Variants in ZNRF1 observed in about 807,000 individuals in gnomAD.
ZNRF1 encodes zinc and ring finger 1.
Under a neutral mutation model 18.4 loss-of-function variants are expected in ZNRF1, and 3 were observed. That is an observed-to-expected ratio of 0.16 (90% confidence interval 0.07 to 0.42). The LOEUF is 0.42. ZNRF1 is among the 10% of genes least tolerant of loss of function. The pLI is 0.99. For synonymous variants in ZNRF1, 157 were observed against 144.2 expected (o/e 1.09, Z -0.64); for missense variants, 310 against 329.8 (o/e 0.94, Z 0.47).
intron 4 of ZNRF1, 118 bp from the exon 5 acceptor site, chr16:75,107,615 T>C (rs761217184): frequency 7.0e-6 from 3 of 430,084 alleles, no homozygotes; most frequent in Non-Finnish European, 1.4e-5. Flanking sequence ...CTGTTTGGCT[T>C]CTGGGGTCCT....
chr16:75,041,414 C>T (rs1470277592), intron 1 of ZNRF1, among the ~76,000 whole-genome samples: 1 of 152,154 alleles, frequency 6.6e-6, no homozygotes, highest in African/African-American at 2.4e-5. Context: ...ACTGCAGCCT[C>T]TGCCTCCTGG....
rs976570062 is a variant in ZNRF1 at position 74,999,064 on chromosome 16, C to G, written c.-608C>G. ...GCGAGGAGCGCCGGCGAGCGCAGCC[C>G]GGGACCGAGCGGGGCGGCGCGGCTG... On this transcript the variant is annotated 5_prime_UTR_variant, in exon 1 of 5. Transcript: ENST00000335325. 4 of 149,900 alleles carry G rather than the reference C, an allele frequency of 2.7e-5. No homozygotes were observed. Among genetic ancestry groups the G allele is most frequent in the African/African-American group, 7.3e-5 (3 of 41,144 alleles). The allele number at this position is 149,900 out of a possible 1,614,324, so 9.3% of individuals were successfully genotyped here.
chr16:75,093,487 A>G, intron 1 of ZNRF1, 85 bp from the exon 2 acceptor site: 2 of 1,061,614 alleles, frequency 1.9e-6, no homozygotes, highest in South Asian at 1.3e-5. Flanking sequence ...CTGAGCCCAC[A>G]TGGCTGTCAT....
chr16:75,000,833 G>T (rs1376498662), intron 1 of ZNRF1, among the ~76,000 whole-genome samples: 1 of 152,160 alleles, frequency 6.6e-6, no homozygotes, highest in Non-Finnish European at 1.5e-5. Flanking sequence ...CCGTGAATCT[G>T]CATCTTTTTG....
chr16:75,047,940 TCTGTGTC>T (rs1335993321), intron 1 of ZNRF1, among the ~76,000 whole-genome samples: 2 of 149,418 alleles, frequency 1.3e-5, no homozygotes, highest in African/African-American at 4.9e-5. Context: ...TTTGTATGTG[TCTGTGTC>T]CTCATCATTC....
At chr16:75,096,958 C>A (rs1356700581) in intron 2 of ZNRF1, among the ~76,000 whole-genome samples, 3 of 152,076 alleles carry the variant, frequency 2.0e-5, no homozygotes, top group African/African-American at 4.8e-5. Flanking sequence ...GTGCTGAGCC[C>A]CTGCTGGAGG....
At chr16:75,077,303 C>A (rs572203425) in intron 1 of ZNRF1, among the ~76,000 whole-genome samples, 29 of 152,330 alleles carry the variant, frequency 1.9e-4, no homozygotes, top group African/African-American at 6.7e-4. Context: ...GAGGCTGAGG[C>A]AGGCGGATCA....
intron 1 of ZNRF1, among the ~76,000 whole-genome samples, chr16:75,092,031 G>C (rs1030077474): frequency 2.0e-5 from 3 of 152,092 alleles, no homozygotes; most frequent in African/African-American, 7.2e-5. Flanking sequence ...AGGTGCGGTG[G>C]CTCACACCTG....
Position 74,999,911 on chromosome 16 carries a change from C to A in ZNRF1, c.240C>A (p.Gly80=). Reference sequence around the variant, plus strand: ...ACACCCCCGCCTCCCGGGGCACCGGCGACTCCGAGAGGGCGCCCGGCGGCG... The same window carrying A: ...ACACCCCCGCCTCCCGGGGCACCGGAGACTCCGAGAGGGCGCCCGGCGGCG... ...GLYTPASRGT[G]DSERAPGGGG... The change falls in exon 1 of 5, where the codon GGC becomes GGA. Residue 80 remains glycine (G), a synonymous_variant. Transcript: ENST00000335325. 6.5e-7 allele frequency: 1 copy of A among 1,550,216 alleles called. No homozygotes were observed.
At chr16:75,068,562 A>T (rs1382413669) in intron 1 of ZNRF1, among the ~76,000 whole-genome samples, 1 of 152,026 alleles carries the variant, frequency 6.6e-6, no homozygotes. Context: ...GCCAAATTCA[A>T]ATATTTGTCC....
intron 1 of ZNRF1, among the ~76,000 whole-genome samples, chr16:75,075,742 TGGA>T (rs1411195999): frequency 6.6e-6 from 1 of 151,830 alleles, no homozygotes; most frequent in East Asian, 1.9e-4. Flanking sequence ...GCAGCAAAGG[TGGA>T]GGAGGAGGGT....
intron 1 of ZNRF1, among the ~76,000 whole-genome samples, chr16:75,016,884 A>G (rs2035080211): frequency 6.6e-6 from 1 of 152,116 alleles, no homozygotes; most frequent in African/African-American, 2.4e-5. Context: ...AGGTCTTGCT[A>G]CATGGAAGGG....
chr16:75,106,512 A>T lies in ZNRF1; in HGVS notation c.657A>T (p.Arg219Ser). 7 of 1,614,026 alleles carry T rather than the reference A, an allele frequency of 4.3e-6. No individual in the cohort carries two copies. Among genetic ancestry groups the T allele is most frequent in the Non-Finnish European group, 5.1e-6 (6 of 1,180,000 alleles). ...TAGACTCGTGGTTTGAAGTGAACAG[A>T]TCTTGTCCGGAACACCCTGCGGACT... ...SCIDSWFEVN[R>S]SCPEHPAD Residue 219 changes from arginine to serine, a missense_variant, in exon 4 of 5, where the codon AGA becomes AGT. By Grantham distance (110) the Arg-to-Ser change is moderately radical. Transcript: ENST00000335325.
Position 75,049,845 on chromosome 16 carries a change from T to TTGTGTGTGTGTGTGTGTGTGTG in ZNRF1, c.425-43722_425-43701dup, listed in dbSNP as rs56377786. Among the ~76,000 whole-genome samples, 886 of 149,366 alleles carry TTGTGTGTGTGTGTGTGTGTGTG rather than the reference T, an allele frequency of 5.9e-3. 9 individuals are homozygous for TTGTGTGTGTGTGTGTGTGTGTG. The highest frequency in any genetic ancestry group is 0.019 in the African/African-American group (785 of 40,490). ...TCTCATCACTTTCACATGCACCCAT[T>TTGTGTGTGTGTGTGTGTGTGTG]TGTGTGTGTGTGTGTGTGTGTGTGT... On this transcript the variant is annotated intron_variant, in intron 1 of 4. Coordinates refer to ENST00000335325, the MANE Select transcript of ZNRF1 (RefSeq NM_032268.5).
chr16:75,012,620 C>G (rs2035013268), intron 1 of ZNRF1, among the ~76,000 whole-genome samples: 1 of 152,176 alleles, frequency 6.6e-6, no homozygotes, highest in African/African-American at 2.4e-5. Flanking sequence ...TTTAGGGATA[C>G]TGAGAGCTTA....
intron 2 of ZNRF1, among the ~76,000 whole-genome samples, chr16:75,099,987 G>C (rs777817211): frequency 6.6e-6 from 1 of 152,228 alleles, no homozygotes; most frequent in Non-Finnish European, 1.5e-5. Context: ...TGCTGGGTTT[G>C]TGTGCCTCCT....
At chr16:75,097,156 C>G (rs1480632571) in intron 2 of ZNRF1, among the ~76,000 whole-genome samples, 2 of 152,218 alleles carry the variant, frequency 1.3e-5, no homozygotes, top group East Asian at 1.9e-4. Flanking sequence ...GTTTGTGACT[C>G]TGAGACTGAG....
intron 1 of ZNRF1, among the ~76,000 whole-genome samples, chr16:75,064,767 A>G (rs1567483848): frequency 6.6e-6 from 1 of 152,210 alleles, no homozygotes; most frequent in Non-Finnish European, 1.5e-5. Context: ...TGGAGAATGG[A>G]GACCTTTTCA....
intron 2 of ZNRF1, among the ~76,000 whole-genome samples, chr16:75,103,470 A>T (rs2036275458): frequency 6.6e-6 from 1 of 151,936 alleles, no homozygotes; most frequent in African/African-American, 2.4e-5. Flanking sequence ...ACTCAAACTC[A>T]TAGAAGCAGA....
Sources: gnomAD v4.1 joint callset for allele counts (sites outside exome capture counted in the v4.1 genomes callset) on GRCh38, gnomAD v4.1.1 for gene constraint, MANE v1.5 for transcripts, NCBI Gene and HGNC (gene_info 2026-07-23, HGNC 2026-07-21) for gene names.